The following C22orf23 variants were observed in gnomAD, a reference collection of about 807,000 sequenced individuals.
C22orf23 encodes chromosome 22 open reading frame 23.
Under a neutral mutation model 29.7 loss-of-function variants are expected in C22orf23, and 30 were observed. The observed-to-expected ratio is 1.01, with a 90% confidence interval of 0.76 to 1.37. C22orf23 has a LOEUF of 1.37. C22orf23 is among the 40% of genes most tolerant of loss of function. The probability of loss-of-function intolerance (pLI) is 0.00; values close to 1 mark genes in which losing one functional copy is unlikely to be tolerated. For missense variants in C22orf23, 237 were observed against 273.1 expected (o/e 0.87, Z 0.93); for synonymous variants, 90 against 96.1 (o/e 0.94, Z 0.37).
chr22:37,951,498 G>A lies in C22orf23; in HGVS notation c.128C>T (p.Thr43Met), dbSNP rs377650163. ...CATGATGTGGCGCTGCTGGATGTTC[G>A]TCAGTTTGGATTCCTTCATCATCAC... Reference protein sequence around the residue: ...LRVMMKESKLTNIQQRHIMDI... With the variant: ...LRVMMKESKLMNIQQRHIMDI... Residue 43 changes from threonine to methionine, a missense_variant, in exon 3 of 7, where the codon ACG becomes ATG. Coordinates refer to ENST00000403305, the MANE Select transcript of C22orf23 (RefSeq NM_032561.5). 2.2e-5 allele frequency: 36 copies of A among 1,613,820 alleles called. No individual in the cohort carries two copies. Among genetic ancestry groups the A allele is most frequent in the Middle Eastern group, 1.6e-4 (1 of 6,084 alleles).
At position 37,944,201 on chromosome 22, in the gene C22orf23, G is replaced by A. The variant is rs375504521; in HGVS notation, c.628C>T (p.Leu210Phe). 6.2e-7 allele frequency: 1 copy of A among 1,614,218 alleles called. No individual in the cohort carries two copies. The highest frequency in any genetic ancestry group is 8.5e-7 in the Non-Finnish European group (1 of 1,180,046). Residue 210 changes from leucine to phenylalanine, a missense_variant, in exon 7 of 7, where the codon CTT (leucine) becomes TTT (phenylalanine). Leu to Phe is a conservative substitution (Grantham distance 22). Coordinates refer to ENST00000403305, the MANE Select transcript of C22orf23 (RefSeq NM_032561.5). ...EDIDHRRSEE[L>F]RKGLATT ...TAAGTGGTGGCAAGACCCTTCCTAA[G>A]TTCCTCACTCCTTCTGTGGTCAATG...
At chr22:37,944,983 C>A in intron 5 of C22orf23, 59 bp downstream of exon 5, 2 of 1,529,320 alleles carry the variant, frequency 1.3e-6, no homozygotes, top group Non-Finnish European at 1.8e-6. Context: ...CCATCCAATT[C>A]TGGGCCCCCT....
chr22:37,946,737 G>A (rs186258197), intron 4 of C22orf23, among the ~76,000 whole-genome samples: 3 of 151,594 alleles, frequency 2.0e-5, no homozygotes, highest in Admixed American at 2.0e-4. Flanking sequence ...AACTGGACAT[G>A]GTGGTGGACA....
intron 3 of C22orf23, among the ~76,000 whole-genome samples, chr22:37,947,748 A>G (rs1464763402): frequency 6.6e-6 from 1 of 150,406 alleles, no homozygotes; most frequent in East Asian, 2.0e-4. Context: ...CAAGTGATCC[A>G]CCCACCTCGG....
chr22:37,947,504 T>G (rs774777717), intron 3 of C22orf23, 41 bp from the exon 4 acceptor site: 8 of 47,500 alleles, frequency 1.7e-4, no homozygotes, highest in South Asian at 1.4e-3. Context: ...CCACATGGCT[T>G]TTTTTTTTTT....
chr22:37,948,884 A>T (rs1930855455), intron 3 of C22orf23, among the ~76,000 whole-genome samples: 2 of 152,310 alleles, frequency 1.3e-5, no homozygotes, highest in South Asian at 4.1e-4. Flanking sequence ...TGTCCAGATC[A>T]ATCCATTTAT....
At chr22:37,947,228 C>G in intron 4 of C22orf23, 53 bp downstream of exon 4, 1 of 1,602,394 alleles carries the variant, frequency 6.2e-7, no homozygotes, top group Admixed American at 1.7e-5. Flanking sequence ...GTCCCTCTCC[C>G]TTGTCCTCCC....
At position 37,944,373 on chromosome 22, in the gene C22orf23, C is replaced by A. The variant is rs748777213; in HGVS notation, c.582+44G>T. On this transcript the variant is annotated intron_variant, in intron 6 of 6. Transcript: ENST00000403305. ...ACCCTGTATTTCCATTCGCACTTGG[C>A]GCTGGGCCCTTCCCCTCCCCACTTT... 1.1e-5 allele frequency: 18 copies of A among 1,613,476 alleles called. No homozygotes were observed. In the East Asian group the frequency reaches 3.8e-4, roughly 34 times the overall value.
intron 3 of C22orf23, among the ~76,000 whole-genome samples, chr22:37,949,041 C>T (rs971496043): frequency 1.3e-5 from 2 of 152,014 alleles, no homozygotes; most frequent in African/African-American, 2.4e-5. Context: ...CATTCTTGTA[C>T]ATCAAATCTT....
chr22:37,947,508 T>A, intron 3 of C22orf23, 45 bp from the exon 4 acceptor site: 2 of 1,247,926 alleles, frequency 1.6e-6, no homozygotes, highest in Non-Finnish European at 2.1e-6. Context: ...ATGGCTTTTT[T>A]TTTTTTTTTT....
chr22:37,947,371 T>C lies in C22orf23; in HGVS notation c.259A>G (p.Ile87Val). ...CGGAGGTGGGGACGGGCTGCGAGGA[T>C]GGGAGGCAGGTAGATGGGCGAGGCT... is the stretch of plus-strand genomic sequence containing the variant. ...QIASPIYLPP[I>V]LAARPHLRPA... Residue 87 changes from isoleucine (I) to valine (V), a missense_variant, in exon 4 of 7, where the codon ATC becomes GTC. Transcript: ENST00000403305. 1 of 1,613,746 alleles carries C rather than the reference T, an allele frequency of 6.2e-7. No individual in the cohort carries two copies. The highest frequency in any genetic ancestry group is 1.1e-5 in the South Asian group (1 of 91,080).
chr22:37,945,183 C>CA lies in C22orf23; in HGVS notation c.350-11dup. 1 of 1,606,392 alleles carries CA rather than the reference C, an allele frequency of 6.2e-7. No homozygotes were observed. The highest frequency in any genetic ancestry group is 2.2e-5 in the East Asian group (1 of 44,768). ...TCCTTCTCCAAATCCCCTGTAGGGC[C>CA]AAAAAGAAATGGCCTAGTTAGGCTG... On this transcript the variant is annotated splice_polypyrimidine_tract_variant and intron_variant, in intron 4 of 6. Coordinates refer to ENST00000403305, the MANE Select transcript of C22orf23 (RefSeq NM_032561.5).
chr22:37,952,961 CA>C, intron 2 of C22orf23, 85 bp downstream of exon 2: 2 of 936,158 alleles, frequency 2.1e-6, no homozygotes, highest in Non-Finnish European at 3.4e-6. Flanking sequence ...AACCATTCCC[CA>C]CACCTCCGTC....
intron 4 of C22orf23, among the ~76,000 whole-genome samples, chr22:37,946,549 T>C (rs1569155931): frequency 9.7e-5 from 13 of 134,058 alleles, no homozygotes; most frequent in Admixed American, 9.2e-4. Context: ...TATTACAGAA[T>C]GGGTGACAGA....
At chr22:37,946,757 C>G (rs1342575268) in intron 4 of C22orf23, among the ~76,000 whole-genome samples, 1 of 151,274 alleles carries the variant, frequency 6.6e-6, no homozygotes, top group Non-Finnish European at 1.5e-5. Context: ...ACTTGTAATC[C>G]CAGCTACTCA....
chr22:37,951,563 G>A (rs763784937), intron 2 of C22orf23, 41 bp from the exon 3 acceptor site: 4 of 1,580,892 alleles, frequency 2.5e-6, no homozygotes, highest in East Asian at 4.5e-5. Flanking sequence ...TGGGCTGCAG[G>A]CGGATGCCTT....
At position 37,953,140 on chromosome 22, in the gene C22orf23, G is replaced by C; in HGVS notation, c.10C>G (p.Gln4Glu). The change falls in exon 2 of 7, where the codon CAG becomes GAG. Residue 4 changes from glutamine to glutamate, a missense_variant. By Grantham distance (29) the Gln-to-Glu change is conservative. Transcript: ENST00000403305. ...TTGGTCACTACCTCCATCTGCTTCT[G>C]TGAAGCCATGGGAGGACTCTGAGGA... is the stretch of plus-strand genomic sequence containing the variant. MAS[Q>E]KQMEVVTKGT... The C allele has an allele frequency of 6.2e-7, 1 of 1,612,912 alleles. No homozygotes were observed. The highest frequency in any genetic ancestry group is 8.5e-7 in the Non-Finnish European group (1 of 1,179,050).
intron 2 of C22orf23, among the ~76,000 whole-genome samples, chr22:37,952,209 A>T (rs955549498): frequency 6.6e-6 from 1 of 152,214 alleles, no homozygotes; most frequent in African/African-American, 2.4e-5. Flanking sequence ...GTTGTTGAGT[A>T]AAAGAACACA....
intron 4 of C22orf23, among the ~76,000 whole-genome samples, chr22:37,946,670 A>G (rs1273044741): frequency 2.7e-5 from 4 of 150,650 alleles, no homozygotes; most frequent in Non-Finnish European, 4.4e-5. Flanking sequence ...ACTTGAGGCC[A>G]GGAGTTCAAG....
Sources: gnomAD v4.1 joint callset for allele counts (sites outside exome capture counted in the v4.1 genomes callset) on GRCh38, gnomAD v4.1.1 for gene constraint, MANE v1.5 for transcripts, NCBI Gene and HGNC (gene_info 2026-07-23, HGNC 2026-07-21) for gene names.